Variants in PPP1R9A observed in about 807,000 individuals in gnomAD.
PPP1R9A encodes protein phosphatase 1 regulatory subunit 9A, also known as neurabin-1.
In PPP1R9A, 59 loss-of-function variants were observed where a neutral mutation model predicts 141.9. The observed-to-expected ratio is 0.42, with a 90% CI of 0.34 to 0.52. PPP1R9A has a LOEUF of 0.52. PPP1R9A is among the 20% of genes least tolerant of loss of function. The pLI is 0.10. For synonymous variants in PPP1R9A, 500 were observed against 569.7 expected (o/e 0.88, Z 1.74); for missense variants, 1,444 against 1,611.9 (o/e 0.90, Z 1.78).
chr7:95,016,361 A>C (rs189533700), intron 2 of PPP1R9A, among the ~76,000 whole-genome samples: 20 of 152,288 alleles, frequency 1.3e-4, no homozygotes, highest in Non-Finnish European at 4.4e-5. Flanking sequence ...TGAAATAAAT[A>C]AATGTTTTGA....
intron 2 of PPP1R9A, among the ~76,000 whole-genome samples, chr7:94,985,506 C>T (rs1395473760): frequency 1.3e-5 from 2 of 152,036 alleles, no homozygotes; most frequent in African/African-American, 4.8e-5. Flanking sequence ...TCTGGGTGCT[C>T]CTGTATTGGA....
At chr7:94,931,387 C>T (rs950751025) in intron 2 of PPP1R9A, among the ~76,000 whole-genome samples, 6 of 152,078 alleles carry the variant, frequency 3.9e-5, no homozygotes, top group Non-Finnish European at 4.4e-5. Context: ...GGCCCAGTGT[C>T]GTACAGTGGT....
intron 2 of PPP1R9A, among the ~76,000 whole-genome samples, chr7:94,993,170 G>A (rs1801731542): frequency 6.6e-6 from 1 of 150,880 alleles, no homozygotes; most frequent in African/African-American, 2.4e-5. Flanking sequence ...CTACAGAATT[G>A]CTTCTGTCAA....
At chr7:95,162,146 T>A (rs1008860463) in intron 5 of PPP1R9A, among the ~76,000 whole-genome samples, 175 bp downstream of exon 5, 2 of 152,212 alleles carry the variant, frequency 1.3e-5, no homozygotes, top group African/African-American at 4.8e-5. Context: ...GAAAATAGAA[T>A]TTAAAATTAC....
intron 2 of PPP1R9A, among the ~76,000 whole-genome samples, chr7:94,925,238 T>A (rs74861100): frequency 0.026 from 3,996 of 152,154 alleles, 168 homozygotes; most frequent in African/African-American, 0.091. Flanking sequence ...CAGTCTGTTG[T>A]CCTATTCAGG....
chr7:95,013,394 TTAAA>T (rs777969489), intron 2 of PPP1R9A, among the ~76,000 whole-genome samples: 117 of 152,272 alleles, frequency 7.7e-4, no homozygotes, highest in Non-Finnish European at 1.5e-3. Flanking sequence ...TTCATATTCC[TTAAA>T]TAGTTTTTGT....
intron 2 of PPP1R9A, among the ~76,000 whole-genome samples, chr7:94,961,197 A>C (rs1797605674): frequency 6.6e-6 from 1 of 151,690 alleles, no homozygotes; most frequent in Non-Finnish European, 1.5e-5. Context: ...AATAAAAAAA[A>C]CAAAACTTAT....
chr7:95,192,749 C>A (rs1462640899), intron 5 of PPP1R9A, among the ~76,000 whole-genome samples: 4 of 152,032 alleles, frequency 2.6e-5, no homozygotes, highest in African/African-American at 9.7e-5. Flanking sequence ...CTTTTACTTA[C>A]CATTTTAACT....
chr7:94,927,904 G>T (rs1008079799), intron 2 of PPP1R9A, among the ~76,000 whole-genome samples: 1 of 152,180 alleles, frequency 6.6e-6, no homozygotes, highest in Admixed American at 6.5e-5. Context: ...GGTGACCATT[G>T]GGATTTATTG....
chr7:95,257,563 T>C (rs1250962859), intron 12 of PPP1R9A, among the ~76,000 whole-genome samples: 4 of 151,996 alleles, frequency 2.6e-5, no homozygotes, highest in African/African-American at 7.2e-5. Context: ...ATGTGCACAA[T>C]GTGCAGGTTT....
chr7:95,073,006 G>T, intron 2 of PPP1R9A, among the ~76,000 whole-genome samples: 1 of 135,302 alleles, frequency 7.4e-6, no homozygotes, highest in African/African-American at 2.9e-5. Flanking sequence ...ATTATTTTGA[G>T]ACAGAGTCTC....
chr7:94,951,660 T>C (rs1373518167), intron 2 of PPP1R9A, among the ~76,000 whole-genome samples: 1 of 152,074 alleles, frequency 6.6e-6, no homozygotes, highest in Non-Finnish European at 1.5e-5. Flanking sequence ...GTGAGTGAGA[T>C]AGACCCATAA....
At chr7:95,044,974 A>G (rs1018541880) in intron 2 of PPP1R9A, among the ~76,000 whole-genome samples, 1 of 152,026 alleles carries the variant, frequency 6.6e-6, no homozygotes, top group African/African-American at 2.4e-5. Flanking sequence ...AAAAATGATG[A>G]AAATAATAGA....
chr7:95,153,466 A>G (rs977679841), intron 4 of PPP1R9A, among the ~76,000 whole-genome samples: 12 of 152,192 alleles, frequency 7.9e-5, no homozygotes, highest in Non-Finnish European at 1.8e-4. Flanking sequence ...TCAATACACT[A>G]TTATCAGAAT....
intron 2 of PPP1R9A, among the ~76,000 whole-genome samples, chr7:94,930,113 G>A (rs1449260170): frequency 6.6e-6 from 1 of 152,130 alleles, no homozygotes; most frequent in African/African-American, 2.4e-5. Flanking sequence ...AGGGGCCTTA[G>A]AGCCAAGGCT....
At chr7:94,940,932 A>G (rs1421890524) in intron 2 of PPP1R9A, among the ~76,000 whole-genome samples, 2 of 152,142 alleles carry the variant, frequency 1.3e-5, no homozygotes, top group African/African-American at 4.8e-5. Context: ...GTAAGCTATA[A>G]GGAGTTGTTC....
chr7:95,128,506 T>G (rs949373959), intron 4 of PPP1R9A, among the ~76,000 whole-genome samples: 2 of 152,184 alleles, frequency 1.3e-5, no homozygotes, highest in African/African-American at 4.8e-5. Flanking sequence ...GTGCAGAATC[T>G]CTTTAGTTTA....
chr7:94,924,946 A>C (rs1430810270), intron 2 of PPP1R9A, among the ~76,000 whole-genome samples: 1 of 152,192 alleles, frequency 6.6e-6, no homozygotes, highest in Admixed American at 6.5e-5. Context: ...GGACGGTTGA[A>C]ATAAACAGAA....
intron 2 of PPP1R9A, among the ~76,000 whole-genome samples, chr7:94,949,663 A>G (rs928353040): frequency 1.3e-5 from 2 of 152,024 alleles, no homozygotes; most frequent in Non-Finnish European, 2.9e-5. Context: ...CTATGACAGG[A>G]CACACAGCTC....
Sources: allele counts gnomAD v4.1 joint callset (sites outside exome capture counted in the v4.1 genomes callset), GRCh38; gene constraint gnomAD v4.1.1; transcripts MANE v1.5; gene names NCBI Gene and HGNC (gene_info 2026-07-23, HGNC 2026-07-21).